The following KCNT2 variants were observed in gnomAD, a reference collection of about 807,000 sequenced individuals.
KCNT2 encodes potassium sodium-activated channel subfamily T member 2.
In KCNT2, 67 loss-of-function variants were observed where a neutral mutation model predicts 153.8. The ratio of observed to expected loss-of-function variants is 0.44; its 90% CI spans 0.36 to 0.53. The LOEUF (loss-of-function observed/expected upper bound fraction) is 0.53, where lower values mean the gene tolerates loss of function less well. Among genes scored for constraint, KCNT2 ranks in the 20% least tolerant of loss-of-function variants. The pLI, the probability that KCNT2 is intolerant of heterozygous loss-of-function variation, is 0.00. For synonymous variants in KCNT2, 500 were observed against 458.8 expected (o/e 1.09, Z -1.15); for missense variants, 975 against 1,354.8 (o/e 0.72, Z 4.40).
At chr1:196,601,217 C>T (rs1459952494) in intron 1 of KCNT2, among the ~76,000 whole-genome samples, 1 of 152,218 alleles carries the variant, frequency 6.6e-6, no homozygotes, top group African/African-American at 2.4e-5. Flanking sequence ...CATCCTTACA[C>T]CTCGATCTCA....
At position 196,478,658 on chromosome 1, in the gene KCNT2, G is replaced by GTAT. The variant is rs998809493; in HGVS notation, c.384+518_384+520dup. On this transcript the variant is annotated intron_variant, in intron 5 of 27. Coordinates refer to ENST00000294725, the MANE Select transcript of KCNT2 (RefSeq NM_198503.5). Reference sequence around the variant, plus strand: ...TGGAATTACCCATTATATGCTGCTTGTATTATTATTATCTGTATGATGCTC... The same window carrying GTAT: ...TGGAATTACCCATTATATGCTGCTTGTATTATTATTATTATCTGTATGATGCTC... Among the ~76,000 whole-genome samples the GTAT allele has an allele frequency of 2.0e-5, 3 of 152,060 alleles. No homozygotes were observed. In the East Asian group the frequency reaches 5.8e-4, roughly 29 times the overall value.
chr1:196,457,342 A>G (rs1364297582), intron 8 of KCNT2, among the ~76,000 whole-genome samples: 3 of 151,798 alleles, frequency 2.0e-5, no homozygotes, highest in Non-Finnish European at 4.4e-5. Context: ...ACAATTCTAT[A>G]CAATATTATT....
intron 25 of KCNT2, among the ~76,000 whole-genome samples, chr1:196,273,141 C>T (rs1263519993): frequency 1.3e-5 from 2 of 151,670 alleles, no homozygotes; most frequent in Admixed American, 6.6e-5. Flanking sequence ...AGTTGAAAAG[C>T]AAAAGAAAAC....
Position 196,376,551 on chromosome 1 carries a change from T to C in KCNT2, c.1295-3303A>G, listed in dbSNP as rs1182649590. On this transcript the variant is annotated intron_variant, in intron 13 of 27. Coordinates refer to ENST00000294725, the MANE Select transcript of KCNT2 (RefSeq NM_198503.5). ...TGGTTTTGGAATTACAGCTAAGGGA[T>C]TGTGGACTGTTATTCAAACTCTGAT... 2.6e-5 allele frequency among the ~76,000 whole-genome samples: 4 copies of C among 151,834 alleles called. No individual in the cohort carries two copies. In the East Asian group the frequency reaches 7.7e-4, roughly 29 times the overall value.
chr1:196,489,117 C>T (rs1323427223), intron 3 of KCNT2, among the ~76,000 whole-genome samples: 2 of 151,784 alleles, frequency 1.3e-5, no homozygotes, highest in Non-Finnish European at 2.9e-5. Context: ...TGTTAAAAGC[C>T]CCAGAGGAAG....
chr1:196,330,010 A>G (rs1313150958), intron 18 of KCNT2, among the ~76,000 whole-genome samples: 1 of 138,006 alleles, frequency 7.2e-6, no homozygotes, highest in Non-Finnish European at 1.5e-5. Context: ...ATATATATTC[A>G]GTCTTGAGGG....
At chr1:196,441,470 C>G (rs1157810388) in intron 8 of KCNT2, among the ~76,000 whole-genome samples, 2 of 150,620 alleles carry the variant, frequency 1.3e-5, no homozygotes, top group Non-Finnish European at 3.0e-5. Context: ...AAAGAAGAAT[C>G]ACCAAGGTGT....
At position 196,556,461 on chromosome 1, in the gene KCNT2, C is replaced by A. The variant is rs181541249; in HGVS notation, c.95+51754G>T. ...AACTGTAATGAGATAACCTCTCACCCGAGTTAAAATGGCTTTTTTCCAAAA... is the reference window on the plus strand; with the variant it reads ...AACTGTAATGAGATAACCTCTCACCAGAGTTAAAATGGCTTTTTTCCAAAA... On this transcript the variant is annotated intron_variant, in intron 1 of 27. Coordinates refer to ENST00000294725, the MANE Select transcript of KCNT2 (RefSeq NM_198503.5). Among the ~76,000 whole-genome samples, 5 of 151,436 alleles carry A rather than the reference C, an allele frequency of 3.3e-5. No individual in the cohort carries two copies. The East Asian group carries it at 7.8e-4, about 24-fold the overall frequency.
intron 14 of KCNT2, among the ~76,000 whole-genome samples, chr1:196,363,237 C>G (rs1019635901): frequency 2.0e-5 from 3 of 151,914 alleles, no homozygotes; most frequent in Non-Finnish European, 2.9e-5. Context: ...ATTTTGTGGC[C>G]CAAAAGATTC....
chr1:196,320,863 A>C (rs1056645230), intron 19 of KCNT2, among the ~76,000 whole-genome samples: 1 of 151,542 alleles, frequency 6.6e-6, no homozygotes, highest in African/African-American at 2.4e-5. Context: ...TCAGTTACTT[A>C]TTTTGTAAGT....
intron 26 of KCNT2, among the ~76,000 whole-genome samples, chr1:196,247,425 A>T (rs1655553833): frequency 6.6e-6 from 1 of 152,190 alleles, no homozygotes; most frequent in Non-Finnish European, 1.5e-5. Context: ...GCTATAGACC[A>T]AATATCTACT....
intron 25 of KCNT2, among the ~76,000 whole-genome samples, chr1:196,277,592 G>A (rs113561045): frequency 6.6e-6 from 1 of 152,068 alleles, no homozygotes; most frequent in Non-Finnish European, 1.5e-5. Context: ...GAGGAAAATT[G>A]AGATCTGACA....
chr1:196,518,316 G>A (rs186929978), intron 1 of KCNT2, among the ~76,000 whole-genome samples: 130 of 152,138 alleles, frequency 8.5e-4, no homozygotes, highest in Non-Finnish European at 1.7e-3. Flanking sequence ...ACAAAGCTAA[G>A]TACGTAGACC....
intron 1 of KCNT2, among the ~76,000 whole-genome samples, chr1:196,598,242 C>A (rs543385558): frequency 6.6e-6 from 1 of 152,122 alleles, no homozygotes; most frequent in East Asian, 1.9e-4. Context: ...CTTGCTTTTT[C>A]ATATTATCCA....
At chr1:196,499,130 C>T (rs1428598364) in intron 1 of KCNT2, among the ~76,000 whole-genome samples, 1 of 152,150 alleles carries the variant, frequency 6.6e-6, no homozygotes, top group African/African-American at 2.4e-5. Context: ...TTTCAAAACT[C>T]AAGGAACACC....
At chr1:196,552,719 G>A (rs945400594) in intron 1 of KCNT2, among the ~76,000 whole-genome samples, 1 of 151,332 alleles carries the variant, frequency 6.6e-6, no homozygotes, top group Non-Finnish European at 1.5e-5. Context: ...AACTTTTGAA[G>A]ACATAGTACA....
intron 19 of KCNT2, among the ~76,000 whole-genome samples, chr1:196,324,734 A>G (rs1663675877): frequency 1.3e-5 from 2 of 152,040 alleles, no homozygotes; most frequent in South Asian, 4.1e-4. Flanking sequence ...CCACATCTAT[A>G]TTTATAGAGA....
intron 21 of KCNT2, among the ~76,000 whole-genome samples, chr1:196,313,702 TA>T (rs1275407004): frequency 6.6e-6 from 1 of 151,572 alleles, no homozygotes; most frequent in East Asian, 1.9e-4. Context: ...AATTTTTTCC[TA>T]AAAAATACTG....
intron 1 of KCNT2, among the ~76,000 whole-genome samples, chr1:196,540,514 T>C (rs981321025): frequency 6.6e-6 from 1 of 152,192 alleles, no homozygotes; most frequent in African/African-American, 2.4e-5. Flanking sequence ...TTTCTGTTTG[T>C]GTCTTTGAGA....
Sources: gnomAD v4.1 joint callset for allele counts (sites outside exome capture counted in the v4.1 genomes callset) on GRCh38, gnomAD v4.1.1 for gene constraint, MANE v1.5 for transcripts, NCBI Gene and HGNC (gene_info 2026-07-23, HGNC 2026-07-21) for gene names.